Variants in PTPRC observed in about 807,000 individuals in gnomAD.
The protein encoded by PTPRC is receptor-type tyrosine-protein phosphatase C.
PTPRC carries 44 observed loss-of-function variants against 155.9 expected under a neutral mutation model. That is an observed-to-expected ratio of 0.28 (90% CI 0.22 to 0.36). The LOEUF is 0.36. Ranked by LOEUF, PTPRC falls within the 10% of genes least tolerant of loss-of-function variation. The probability of loss-of-function intolerance (pLI) is 1.00; values close to 1 mark genes in which losing one functional copy is unlikely to be tolerated. For synonymous variants in PTPRC, 525 were observed against 533.1 expected (o/e 0.98, Z 0.21); for missense variants, 1,401 against 1,564.6 (o/e 0.90, Z 1.76).
intron 16 of PTPRC, 135 bp downstream of exon 16, chr1:198,728,583 A>T: frequency 9.8e-7 from 1 of 1,019,542 alleles, no homozygotes. Context: ...CCACTTCATG[A>T]CACAACTTTT....
chr1:198,666,443 A>C (rs889424066), intron 2 of PTPRC, among the ~76,000 whole-genome samples: 3 of 152,160 alleles, frequency 2.0e-5, no homozygotes, highest in African/African-American at 7.2e-5. Context: ...GGTATATGTA[A>C]TACCCATTTA....
At chr1:198,719,027 C>T (rs185791980) in intron 14 of PTPRC, among the ~76,000 whole-genome samples, 7 of 152,114 alleles carry the variant, frequency 4.6e-5, no homozygotes, top group African/African-American at 9.6e-5. Context: ...AACAACATTC[C>T]GATAACACAC....
At chr1:198,669,347 C>T (rs889020992) in intron 2 of PTPRC, among the ~76,000 whole-genome samples, 8 of 152,108 alleles carry the variant, frequency 5.3e-5, no homozygotes, top group African/African-American at 1.7e-4. Context: ...TTCTGGTGCC[C>T]GCAGGCACCC....
upstream of PTPRC, chr1:198,638,914 C>G (rs1452399031): frequency 4.5e-6 from 1 of 224,110 alleles, no homozygotes; most frequent in Non-Finnish European, 8.9e-6. Flanking sequence ...AAAAGGCTTT[C>G]TAACTTGGTG....
chr1:198,755,859 T>G (rs748696814), intron 32 of PTPRC, 47 bp from the exon 33 acceptor site: 6 of 1,540,182 alleles, frequency 3.9e-6, no homozygotes, highest in Non-Finnish European at 5.4e-6. Context: ...ATAAAAATAA[T>G]GACATCAACT....
intron 2 of PTPRC, among the ~76,000 whole-genome samples, chr1:198,665,088 T>C (rs1463552139): frequency 8.1e-6 from 1 of 124,052 alleles, no homozygotes; most frequent in Admixed American, 8.0e-5. Context: ...GCATTTTTTT[T>C]TTTTTTTTTT....
At chr1:198,647,019 A>C (rs1386742004) in intron 2 of PTPRC, among the ~76,000 whole-genome samples, 6 of 151,780 alleles carry the variant, frequency 4.0e-5, no homozygotes, top group Non-Finnish European at 8.8e-5. Context: ...TCTTTTTGTA[A>C]CTTGCATTTT....
intron 2 of PTPRC, chr1:198,657,655 T>A (rs1663672435): frequency 6.6e-6 from 1 of 152,180 alleles, no homozygotes; most frequent in Non-Finnish European, 1.5e-5. Context: ...CTTTTCTTTT[T>A]TTTCTTCAAT....
At chr1:198,643,599 C>T (rs955521736) in intron 2 of PTPRC, among the ~76,000 whole-genome samples, 8 of 151,784 alleles carry the variant, frequency 5.3e-5, no homozygotes, top group Non-Finnish European at 8.8e-5. Context: ...TCTCACCTCT[C>T]GTCTGGAAAG....
chr1:198,752,801 CAA>C (rs1411020831), intron 31 of PTPRC, 29 bp downstream of exon 31: 2 of 1,602,510 alleles, frequency 1.2e-6, no homozygotes, highest in African/African-American at 2.7e-5. Flanking sequence ...AATGTGCTCT[CAA>C]AATCATAATG....
intron 2 of PTPRC, among the ~76,000 whole-genome samples, chr1:198,661,753 T>G (rs115941248): frequency 0.011 from 1,713 of 152,306 alleles, 19 homozygotes; most frequent in Non-Finnish European, 0.017. Flanking sequence ...CAGCATGGAA[T>G]AGGACCATAC....
chr1:198,672,321 A>C (rs1335804739), intron 2 of PTPRC, among the ~76,000 whole-genome samples: 1 of 152,214 alleles, frequency 6.6e-6, no homozygotes, highest in Non-Finnish European at 1.5e-5. Context: ...CAGAGCAAAA[A>C]TATGGAAGGA....
chr1:198,729,085 T>C, intron 16 of PTPRC, 52 bp from the exon 17 acceptor site: 2 of 1,587,356 alleles, frequency 1.3e-6, no homozygotes, highest in South Asian at 2.2e-5. Flanking sequence ...AAATACCAAT[T>C]GAATTTTGTG....
intron 2 of PTPRC, among the ~76,000 whole-genome samples, chr1:198,691,702 G>T (rs1277134527): frequency 6.6e-6 from 1 of 151,806 alleles, no homozygotes; most frequent in African/African-American, 2.4e-5. Flanking sequence ...ATTCTTCTGG[G>T]ACCAAGCTAG....
upstream of PTPRC, chr1:198,639,022 G>A: frequency 2.1e-6 from 1 of 481,500 alleles, no homozygotes; most frequent in Non-Finnish European, 3.7e-6. Flanking sequence ...TTTTGGAGAA[G>A]TTAGTAAAAC....
Position 198,696,833 on chromosome 1 carries a change from T to A in PTPRC, c.222T>A (p.Thr74=). 6.2e-7 allele frequency: 1 copy of A among 1,614,026 alleles called. No individual in the cohort carries two copies. Among genetic ancestry groups the A allele is most frequent in the Non-Finnish European group, 8.5e-7 (1 of 1,179,866 alleles). ...AAAATGACTTCTCAGAGACCACAAC[T>A]TCTCTTAGTCCAGACAATACTTCCA... ...ERENDFSETT[T]SLSPDNTSTQ... Residue 74 remains threonine, a synonymous_variant, in exon 4 of 33, where the codon ACT becomes ACA. Transcript: ENST00000442510.
chr1:198,752,079 C>T (rs1270108359), intron 29 of PTPRC, among the ~76,000 whole-genome samples, 170 bp from the exon 30 acceptor site: 1 of 152,022 alleles, frequency 6.6e-6, no homozygotes, highest in East Asian at 1.9e-4. Context: ...GGGTCGCCAG[C>T]ACTTAAATAG....
At chr1:198,744,484 A>G (rs930484599) in intron 26 of PTPRC, among the ~76,000 whole-genome samples, 1 of 151,860 alleles carries the variant, frequency 6.6e-6, no homozygotes, top group Non-Finnish European at 1.5e-5. Flanking sequence ...TGTCAAAATA[A>G]TAGTATATAG....
In PTPRC at chr1:198,753,106, G is replaced by GTA. The variant is rs757905006; in HGVS notation, c.3509+336_3509+337dup. ...GGTGTGTGAACAGATAGGTAGATGG[G>GTA]TATCACCTTACACATATACCCATAT... On this transcript the variant is annotated intron_variant, in intron 31 of 32. Coordinates refer to ENST00000442510, the MANE Select transcript of PTPRC (RefSeq NM_002838.5). 4.0e-5 allele frequency among the ~76,000 whole-genome samples: 6 copies of GTA among 151,864 alleles called. 1 individual carries two copies. The South Asian group carries it at 6.2e-4, about 16-fold the overall frequency.
Sources: allele counts gnomAD v4.1 joint callset (sites outside exome capture counted in the v4.1 genomes callset), GRCh38; gene constraint gnomAD v4.1.1; transcripts MANE v1.5; gene names NCBI Gene and HGNC (gene_info 2026-07-23, HGNC 2026-07-21).